Variants in ZNF547 observed in about 807,000 individuals in gnomAD.
ZNF547 encodes the protein zinc finger protein 547.
In ZNF547, 4 loss-of-function variants were observed where a neutral mutation model predicts 7.7. That is an observed-to-expected ratio of 0.52 (90% CI 0.26 to 1.20). The LOEUF is 1.20. Among genes scored for constraint, ZNF547 ranks in the 50% most tolerant of loss-of-function variants. The pLI, the probability that ZNF547 is intolerant of heterozygous loss-of-function variation, is 0.14. For missense variants in ZNF547, 449 were observed against 485.8 expected (o/e 0.92, Z 0.71); for synonymous variants, 166 against 166.2 (o/e 1.00, Z 0.01).
chr19:57,374,693 A>T (rs1457058857), intron 3 of ZNF547, among the ~76,000 whole-genome samples: 1 of 152,148 alleles, frequency 6.6e-6, no homozygotes, highest in Non-Finnish European at 1.5e-5. Flanking sequence ...ATCTCTCTCA[A>T]GTTCAAAGTT....
intron 1 of ZNF547, among the ~76,000 whole-genome samples, chr19:57,366,469 C>G (rs2088470451): frequency 6.6e-6 from 1 of 152,036 alleles, no homozygotes; most frequent in Admixed American, 6.6e-5. Flanking sequence ...CTCGGCCTCC[C>G]GGAGTGCTGG....
intron 3 of ZNF547, among the ~76,000 whole-genome samples, chr19:57,373,174 C>T (rs533131026): frequency 4.3e-4 from 65 of 152,192 alleles, no homozygotes; most frequent in African/African-American, 1.5e-3. Context: ...ACAGTCATGG[C>T]GGAAGGCAAA....
In ZNF547 at chr19:57,379,151, A is replaced by G. The variant is rs1265989478; in HGVS notation, c.*966A>G. 1 of 153,360 alleles carries G rather than the reference A, an allele frequency of 6.5e-6. No individual in the cohort carries two copies. The highest frequency in any genetic ancestry group is 2.4e-5 in the African/African-American group (1 of 41,472). The allele number at this position is 153,360 out of a possible 1,614,324, so 9.5% of individuals were successfully genotyped here. ...CTACTACAAGCATAAGGGCACAAATATCTCTTTGAGACCCTGCTTTCAATT... is the reference window on the plus strand; with the variant it reads ...CTACTACAAGCATAAGGGCACAAATGTCTCTTTGAGACCCTGCTTTCAATT... On this transcript the variant is annotated 3_prime_UTR_variant, in exon 4 of 4. Coordinates refer to ENST00000282282, the MANE Select transcript of ZNF547 (RefSeq NM_173631.4).
At chr19:57,376,779 T>C (rs1019664913) in intron 3 of ZNF547, among the ~76,000 whole-genome samples, 2 of 152,120 alleles carry the variant, frequency 1.3e-5, no homozygotes, top group African/African-American at 4.8e-5. Context: ...ATGTATTTAA[T>C]CCTAAACGAG....
Position 57,378,324 on chromosome 19 carries a change from T to G in ZNF547, c.*139T>G. On this transcript the variant is annotated 3_prime_UTR_variant, in exon 4 of 4. Coordinates refer to ENST00000282282, the MANE Select transcript of ZNF547 (RefSeq NM_173631.4). ...TGTAGGTACAGCTCTCCAGTCGCTA[T>G]GTATCAGAGAATTCACACTGCAGAA... is the stretch of plus-strand genomic sequence containing the variant. 1 of 804,896 alleles carries G rather than the reference T, an allele frequency of 1.2e-6. No individual in the cohort carries two copies. 49.9% of individuals were successfully genotyped at this position (804,896 alleles called of 1,614,324 possible).
chr19:57,371,878 C>A lies in ZNF547; in HGVS notation c.121C>A (p.Leu41Met), dbSNP rs1283873119. 1 of 1,612,656 alleles carries A rather than the reference C, an allele frequency of 6.2e-7. No homozygotes were observed. The highest frequency in any genetic ancestry group is 8.5e-7 in the Non-Finnish European group (1 of 1,179,184). The change falls in exon 3 of 4, where the codon CTG (leucine) becomes ATG (methionine). Residue 41 changes from leucine to methionine, a missense_variant. Coordinates refer to ENST00000282282, the MANE Select transcript of ZNF547 (RefSeq NM_173631.4). ...AQRLLYRDVM[L>M]ENLALLSSLG... ...GAGATTGCTGTACCGTGATGTGATG[C>A]TGGAGAATTTGGCCCTTTTGTCCTC...
rs1369410135 is a variant in ZNF547, at chr19:57,377,509, A to G, written c.533A>G (p.His178Arg). ...AAACTTTCTGACCATCAGAAAATCC[A>G]CACTGGAGAAAGAACTTATAAGTGC... ...KHKLSDHQKIHTGERTYKCSK... is the reference protein window; with the variant it reads ...KHKLSDHQKIRTGERTYKCSK... The change falls in exon 4 of 4, where the codon CAC (histidine) becomes CGC (arginine). Residue 178 changes from histidine (H) to arginine (R), a missense_variant. By Grantham distance (29) the His-to-Arg change is conservative. Coordinates refer to ENST00000282282, the MANE Select transcript of ZNF547 (RefSeq NM_173631.4). The G allele has an allele frequency of 2.5e-6, 4 of 1,614,246 alleles. 1 individual carries two copies. The highest frequency in any genetic ancestry group is 2.2e-5 in the South Asian group (2 of 91,086).
intron 1 of ZNF547, chr19:57,364,905 A>T: frequency 6.2e-7 from 1 of 1,612,640 alleles, no homozygotes; most frequent in Non-Finnish European, 8.5e-7. Flanking sequence ...AGTTTTTGCC[A>T]GCTGGGAAGG....
chr19:57,377,701 G>T lies in ZNF547; in HGVS notation c.725G>T (p.Cys242Phe). ...CACTCTGGAGAAAGGCCTTATGAGT[G>T]CAGTGAATGTGGGAAATTGTTTATG... ...TIHSGERPYECSECGKLFMWS... is the reference protein window; with the variant it reads ...TIHSGERPYEFSECGKLFMWS... The change falls in exon 4 of 4, where the codon TGC becomes TTC. Residue 242 changes from cysteine (C) to phenylalanine (F), a missense_variant. Coordinates refer to ENST00000282282, the MANE Select transcript of ZNF547 (RefSeq NM_173631.4). 6.2e-7 allele frequency: 1 copy of T among 1,612,668 alleles called. No homozygotes were observed.
intron 1 of ZNF547, among the ~76,000 whole-genome samples, chr19:57,367,079 A>G (rs780782451): frequency 1.1e-4 from 17 of 152,170 alleles, no homozygotes; most frequent in Non-Finnish European, 2.2e-4. Context: ...CCCTCAGACA[A>G]TCAACTGTTG....
chr19:57,365,309 A>G (rs879113406), intron 1 of ZNF547: 2 of 1,194,574 alleles, frequency 1.7e-6, no homozygotes, highest in African/African-American at 3.0e-5. Context: ...ATACTCAGGA[A>G]TGTGTACATT....
chr19:57,378,199 G>A lies in ZNF547; in HGVS notation c.*14G>A, dbSNP rs750300444. ...CACACTGGATAAGGCCCTTATGAAT[G>A]CAGTGGATATGGGAAAGCCTTCAGT... On this transcript the variant is annotated 3_prime_UTR_variant, in exon 4 of 4. Coordinates refer to ENST00000282282, the MANE Select transcript of ZNF547 (RefSeq NM_173631.4). 2 of 1,592,724 alleles carry A rather than the reference G, an allele frequency of 1.3e-6. No individual in the cohort carries two copies. The highest frequency in any genetic ancestry group is 2.3e-5 in the South Asian group (2 of 88,506).
chr19:57,365,442 A>C, intron 1 of ZNF547: 1 of 559,972 alleles, frequency 1.8e-6, no homozygotes, highest in South Asian at 2.7e-5. Flanking sequence ...TCAGTAGATC[A>C]ATTAGTATTT....
chr19:57,372,684 C>T (rs886206), intron 3 of ZNF547, among the ~76,000 whole-genome samples: 135,765 of 152,270 alleles, frequency 0.89, 60,782 homozygotes, highest in Middle Eastern at 0.96. Flanking sequence ...TTTACTCTGA[C>T]TTCTAATCCC....
chr19:57,376,274 C>T (rs559922071), intron 3 of ZNF547, among the ~76,000 whole-genome samples: 5 of 152,178 alleles, frequency 3.3e-5, no homozygotes, highest in East Asian at 3.9e-4. Context: ...ACCCTTGACA[C>T]GTGGGGATTA....
At chr19:57,366,666 C>T (rs1186325833) in intron 1 of ZNF547, among the ~76,000 whole-genome samples, 1 of 151,660 alleles carries the variant, frequency 6.6e-6, no homozygotes, top group East Asian at 1.9e-4. Context: ...CTGCCTCAGC[C>T]TCCCAAAGTG....
intron 1 of ZNF547, 28 bp downstream of exon 1, chr19:57,363,731 C>T: frequency 6.6e-6 from 1 of 151,348 alleles, no homozygotes; most frequent in South Asian, 1.8e-4. Flanking sequence ...GGCCCCCCCC[C>T]ACCTCCGCCC....
At chr19:57,376,505 A>G (rs1191578592) in intron 3 of ZNF547, among the ~76,000 whole-genome samples, 1 of 152,216 alleles carries the variant, frequency 6.6e-6, no homozygotes, top group African/African-American at 2.4e-5. Context: ...TGCAGAGCTT[A>G]TATACCTTCT....
rs893170845 is a variant in ZNF547, at chr19:57,378,695, C to A, written c.*510C>A. 16 of 384,162 alleles carry A rather than the reference C, an allele frequency of 4.2e-5. No homozygotes were observed. The highest frequency in any genetic ancestry group is 8.1e-5 in the Non-Finnish European group (16 of 196,382). 23.8% of individuals were successfully genotyped at this position (384,162 alleles called of 1,614,324 possible). On this transcript the variant is annotated 3_prime_UTR_variant, in exon 4 of 4. Transcript: ENST00000282282. ...CTAGTATTATATGGTTTTTAAAAAA[C>A]AATGGTGAAGTACATGCCACATAAA...
Sources: gnomAD v4.1 joint callset for allele counts (sites outside exome capture counted in the v4.1 genomes callset) on GRCh38, gnomAD v4.1.1 for gene constraint, MANE v1.5 for transcripts, NCBI Gene and HGNC (gene_info 2026-07-23, HGNC 2026-07-21) for gene names.